The following PPIL1 variants were observed in gnomAD, a reference collection of about 807,000 sequenced individuals.
PPIL1 encodes the protein peptidylprolyl isomerase like 1.
PPIL1 carries 14 observed loss-of-function variants against 19.4 expected under a neutral mutation model. The observed-to-expected ratio is 0.72, with a 90% CI of 0.48 to 1.13. The LOEUF is 1.13. Ranked by LOEUF, PPIL1 falls within the 50% of genes most tolerant of loss-of-function variation. PPIL1 has a pLI of 0.00. For missense variants in PPIL1, 192 were observed against 218.0 expected (o/e 0.88, Z 0.75); for synonymous variants, 72 against 73.6 (o/e 0.98, Z 0.11).
intron 1 of PPIL1, among the ~76,000 whole-genome samples, chr6:36,872,951 G>A (rs551545439): frequency 6.6e-6 from 1 of 152,336 alleles, no homozygotes; most frequent in East Asian, 1.9e-4. Context: ...TGGATACCCA[G>A]TGCCTTGCAC....
intron 2 of PPIL1, among the ~76,000 whole-genome samples, chr6:36,870,951 A>G (rs1482222279): frequency 1.3e-5 from 2 of 152,192 alleles, no homozygotes; most frequent in African/African-American, 4.8e-5. Flanking sequence ...AGCATAGATC[A>G]GATCATGTCT....
intron 2 of PPIL1, among the ~76,000 whole-genome samples, chr6:36,861,868 G>T (rs1774297536): frequency 6.6e-6 from 1 of 151,878 alleles, no homozygotes; most frequent in Admixed American, 6.6e-5. Flanking sequence ...GGCTAATTTT[G>T]TATTTTTAGT....
intron 1 of PPIL1, 77 bp from the exon 2 acceptor site, chr6:36,871,949 A>C: frequency 7.7e-7 from 1 of 1,300,408 alleles, no homozygotes. Context: ...CTGCTCCAGG[A>C]CTCTTGATTT....
rs764356881 is a variant in PPIL1 at position 36,855,773 on chromosome 6, T to G, written c.*40A>C. 17 of 1,592,460 alleles carry G rather than the reference T, an allele frequency of 1.1e-5. No homozygotes were observed. In the East Asian group the frequency reaches 3.4e-4, roughly 31 times the overall value. ...CTATGTCATCTAGAAGCTGGTTCAC[T>G]GGGGCCATCTCAGAAGAGCTGCTCA... On this transcript the variant is annotated 3_prime_UTR_variant, in exon 4 of 4. Coordinates refer to ENST00000373699, the MANE Select transcript of PPIL1 (RefSeq NM_016059.5).
In PPIL1 at chr6:36,856,052, A is replaced by AAAGGAAAGAGTAT. The variant is rs1774161696; in HGVS notation, c.281-32_281-20dup. 6.2e-7 allele frequency: 1 copy of AAAGGAAAGAGTAT among 1,610,214 alleles called. No individual in the cohort carries two copies. The highest frequency in any genetic ancestry group is 1.1e-5 in the South Asian group (1 of 90,692). On this transcript the variant is annotated intron_variant, in intron 3 of 3. Transcript: ENST00000373699. The stretch of plus-strand genomic sequence containing the variant: ...CCAGCCCCTGGTGGGAAAAAGGAAG[A>AAAGGAAAGAGTAT]AAGGAAAGAGTATAAATAACCCCAC...
intron 1 of PPIL1, among the ~76,000 whole-genome samples, chr6:36,872,949 C>A (rs1774548363): frequency 6.6e-6 from 1 of 152,224 alleles, no homozygotes; most frequent in East Asian, 1.9e-4. Context: ...TCTGGATACC[C>A]AGTGCCTTGC....
chr6:36,855,943 C>A lies in PPIL1; in HGVS notation c.371G>T (p.Gly124Val). ...VTLAPTQWLD[G>V]KHTIFGRVCQ... is the part of the protein sequence containing the mutation. ...CACTCGGCCAAAAATGGTGTGTTTG[C>A]CGTCAAGCCACTGGGTGGGGGCGAG... The change falls in exon 4 of 4, where the codon GGC (glycine) becomes GTC (valine). Residue 124 changes from glycine to valine, a missense_variant. Gly to Val is a moderately radical substitution (Grantham distance 109). Transcript: ENST00000373699. The A allele has an allele frequency of 1.2e-6, 2 of 1,614,180 alleles. No homozygotes were observed. The highest frequency in any genetic ancestry group is 1.7e-6 in the Non-Finnish European group (2 of 1,180,026).
rs115690696 is a variant in PPIL1 at position 36,871,767 on chromosome 6, G to A, written c.162C>T (p.His54=). The A allele has an allele frequency of 2.8e-3, 4,505 of 1,610,440 alleles. 6 individuals carry two copies. Among genetic ancestry groups the A allele is most frequent in the Non-Finnish European group, 3.5e-3 (4,122 of 1,178,576 alleles). ...RRGYYNGTKF[H]RIIKDFMIQG... is the part of the protein sequence containing the mutation. ...GGATCATGAAGTCTTTGATAATTCT[G>A]TGGAATTTTGTGCCATTGTAGTAAC... Residue 54 remains histidine (H), a synonymous_variant, in exon 2 of 4, where the codon CAC becomes CAT. Transcript: ENST00000373699.
At chr6:36,867,768 G>A (rs1335517575) in intron 2 of PPIL1, among the ~76,000 whole-genome samples, 1 of 152,226 alleles carries the variant, frequency 6.6e-6, no homozygotes, top group African/African-American at 2.4e-5. Flanking sequence ...CAAGGGGCTC[G>A]CTCAGCATGA....
intron 2 of PPIL1, among the ~76,000 whole-genome samples, chr6:36,858,122 T>TA (rs1774205083): frequency 6.7e-6 from 1 of 149,608 alleles, no homozygotes; most frequent in Non-Finnish European, 1.5e-5. Context: ...TAGTCCCAGC[T>TA]ACTTGGGAGG....
intron 2 of PPIL1, among the ~76,000 whole-genome samples, chr6:36,860,637 C>A (rs1407479284): frequency 6.6e-6 from 1 of 152,062 alleles, no homozygotes; most frequent in Non-Finnish European, 1.5e-5. Context: ...TCTCTCCCCA[C>A]CACTCATTCT....
intron 1 of PPIL1, among the ~76,000 whole-genome samples, chr6:36,872,701 G>A (rs56302344): frequency 0.11 from 16,512 of 151,916 alleles, 968 homozygotes; most frequent in Admixed American, 0.13. Context: ...TCCACCTCCC[G>A]GGCTCAAGTG....
intron 2 of PPIL1, among the ~76,000 whole-genome samples, chr6:36,857,939 T>C (rs1322867550): frequency 6.6e-6 from 1 of 152,030 alleles, no homozygotes; most frequent in Non-Finnish European, 1.5e-5. Flanking sequence ...AGCAAAAGGA[T>C]GTAAGTTAGA....
intron 1 of PPIL1, among the ~76,000 whole-genome samples, chr6:36,872,452 A>C (rs1774531954): frequency 6.6e-6 from 1 of 152,194 alleles, no homozygotes; most frequent in Non-Finnish European, 1.5e-5. Context: ...AGTATAACAA[A>C]GGCAAAACCT....
chr6:36,872,568 T>A (rs1163212582), intron 1 of PPIL1, among the ~76,000 whole-genome samples: 2 of 151,920 alleles, frequency 1.3e-5, no homozygotes, highest in Admixed American at 1.3e-4. Context: ...TGCCTTCCCC[T>A]CTACTCCAGC....
intron 2 of PPIL1, among the ~76,000 whole-genome samples, chr6:36,864,359 T>G (rs939027283): frequency 5.9e-5 from 9 of 152,150 alleles, no homozygotes; most frequent in African/African-American, 2.2e-4. Context: ...CCTGCCACTC[T>G]CTCAGGTGTT....
At position 36,856,660 on chromosome 6, in the gene PPIL1, C is replaced by T. The variant is rs1182400850; in HGVS notation, c.212-6G>A. 5.0e-6 allele frequency: 8 copies of T among 1,613,446 alleles called. No individual in the cohort carries two copies. Among genetic ancestry groups the T allele is most frequent in the Admixed American group, 3.3e-5 (2 of 60,004 alleles). On this transcript the variant is annotated splice_region_variant and splice_polypyrimidine_tract_variant and intron_variant, in intron 2 of 3. Coordinates refer to ENST00000373699, the MANE Select transcript of PPIL1 (RefSeq NM_016059.5). ...GATAGATGCACCACCTCGACCTGCC[C>T]GATTGGAAGATGACACATGAATCAG... is the stretch of plus-strand genomic sequence containing the variant.
chr6:36,868,686 AT>A (rs1422744687), intron 2 of PPIL1, among the ~76,000 whole-genome samples: 4 of 152,122 alleles, frequency 2.6e-5, no homozygotes, highest in African/African-American at 9.7e-5. Context: ...AAATTTAAAA[AT>A]TAGTGAGGCA....
At position 36,862,186 on chromosome 6, in the gene PPIL1, G is replaced by A. The variant is rs1381935300; in HGVS notation, c.212-5532C>T. Among the ~76,000 whole-genome samples the A allele has an allele frequency of 7.8e-5, 9 of 115,762 alleles. 1 individual carries two copies. The highest frequency in any genetic ancestry group is 7.0e-4 in the Admixed American group (6 of 8,604). The allele number at this position is 115,762 out of a possible 152,430, so 75.9% of individuals were successfully genotyped here. On this transcript the variant is annotated intron_variant, in intron 2 of 3. Coordinates refer to ENST00000373699, the MANE Select transcript of PPIL1 (RefSeq NM_016059.5). ...TTGTCCCCGCCCCTCCCACCCCACAGTTGATGGGACAATAGATTAATATCC... is the reference window on the plus strand; with the variant it reads ...TTGTCCCCGCCCCTCCCACCCCACAATTGATGGGACAATAGATTAATATCC...
Sources: allele counts gnomAD v4.1 joint callset (sites outside exome capture counted in the v4.1 genomes callset), GRCh38; gene constraint gnomAD v4.1.1; transcripts MANE v1.5; gene names NCBI Gene and HGNC (gene_info 2026-07-23, HGNC 2026-07-21).